The following NEXMIF variants were observed in gnomAD, a reference collection of about 807,000 sequenced individuals.
The protein encoded by NEXMIF is neurite extension and migration factor.
Under a neutral mutation model 62.1 loss-of-function variants are expected in NEXMIF, and 8 were observed. That is an observed-to-expected ratio of 0.13 (90% CI 0.08 to 0.23). NEXMIF has a LOEUF of 0.23. NEXMIF is among the 10% of genes least tolerant of loss of function. The probability of loss-of-function intolerance (pLI) is 1.00; values close to 1 mark genes in which losing one functional copy is unlikely to be tolerated. For synonymous variants in NEXMIF, 404 were observed against 416.6 expected (o/e 0.97, Z 0.37); for missense variants, 976 against 1,113.3 (o/e 0.88, Z 1.75).
intron 1 of NEXMIF, among the ~76,000 whole-genome samples, chrX:74,853,004 A>G (rs1450183040): frequency 9.0e-6 from 1 of 110,862 alleles, no homozygotes; most frequent in African/African-American, 3.3e-5. Flanking sequence ...CAACAAAATG[A>G]AAAGTTTTTT....
chrX:74,910,304 CATGA>C lies in NEXMIF; in HGVS notation c.-48+14575_-48+14578del, dbSNP rs768977368. Among the ~76,000 whole-genome samples the C allele has an allele frequency of 3.6e-5, 4 of 112,590 alleles. No individual in the cohort carries two copies. In the Admixed American group the frequency reaches 3.7e-4, roughly 11 times the overall value. On this transcript the variant is annotated intron_variant, in intron 1 of 3. Transcript: ENST00000055682. ...ACCTCTTGCATCAGCGTGACCTGGA[CATGA>C]GATATGGAGTCAAAGGAGATCATTT... is the stretch of plus-strand genomic sequence containing the variant.
intron 1 of NEXMIF, among the ~76,000 whole-genome samples, chrX:74,821,952 C>T (rs768327170): frequency 6.3e-5 from 7 of 111,555 alleles, no homozygotes; most frequent in South Asian, 3.8e-4. Context: ...GGTTTTGCCA[C>T]GTAGCTCAGG....
At chrX:74,807,963 TAGG>T (rs1175250383) in intron 1 of NEXMIF, among the ~76,000 whole-genome samples, 1 of 112,281 alleles carries the variant, frequency 8.9e-6, no homozygotes, top group African/African-American at 3.2e-5. Flanking sequence ...CTTAGATTGC[TAGG>T]AGCTTTTATT....
At chrX:74,889,992 TTC>T (rs2080712154) in intron 1 of NEXMIF, among the ~76,000 whole-genome samples, 1 of 98,530 alleles carries the variant, frequency 1.0e-5, no homozygotes, top group Admixed American at 1.1e-4. Context: ...TTCTCTCTCA[TTC>T]TCTTTCTCTC....
intron 1 of NEXMIF, among the ~76,000 whole-genome samples, chrX:74,835,316 A>G (rs1421691296): frequency 9.0e-6 from 1 of 111,634 alleles, no homozygotes; most frequent in Non-Finnish European, 1.9e-5. Flanking sequence ...TGCCTTATTT[A>G]GTTCGTTTGA....
At chrX:74,873,587 A>G (rs1408901546) in intron 1 of NEXMIF, among the ~76,000 whole-genome samples, 1 of 111,812 alleles carries the variant, frequency 8.9e-6, no homozygotes, top group East Asian at 2.8e-4. Flanking sequence ...CAATGGTTGA[A>G]CTAGTTTACA....
intron 1 of NEXMIF, among the ~76,000 whole-genome samples, chrX:74,791,265 G>A (rs147930995): frequency 2.7e-5 from 3 of 111,521 alleles, no homozygotes; most frequent in Admixed American, 9.5e-5. Context: ...CTCTGTTTAT[G>A]TGCTGGATTA....
chrX:74,911,630 A>G (rs902072613), intron 1 of NEXMIF, among the ~76,000 whole-genome samples: 1 of 112,300 alleles, frequency 8.9e-6, no homozygotes, highest in African/African-American at 3.2e-5. Flanking sequence ...TTTTCTCTTT[A>G]CAGCCTAACT....
At chrX:74,778,312 T>G (rs1364152408) in intron 1 of NEXMIF, among the ~76,000 whole-genome samples, 1 of 111,987 alleles carries the variant, frequency 8.9e-6, no homozygotes, top group Non-Finnish European at 1.9e-5. Flanking sequence ...CCTTGCCCCT[T>G]CTGTGGGGCT....
chrX:74,799,418 T>C (rs2080322267), intron 1 of NEXMIF, among the ~76,000 whole-genome samples: 1 of 110,946 alleles, frequency 9.0e-6, no homozygotes, highest in Non-Finnish European at 1.9e-5. Flanking sequence ...AATAAAGAAA[T>C]ACATGCATAC....
At chrX:74,780,292 T>C (rs1460077604) in intron 1 of NEXMIF, among the ~76,000 whole-genome samples, 1 of 111,283 alleles carries the variant, frequency 9.0e-6, no homozygotes, top group Non-Finnish European at 1.9e-5. Context: ...CCACATGATC[T>C]AGTTGGAGGC....
chrX:74,883,440 G>A (rs182824660), intron 1 of NEXMIF, among the ~76,000 whole-genome samples: 190 of 111,853 alleles, frequency 1.7e-3, no homozygotes, highest in African/African-American at 5.9e-3. Context: ...CCAATGGAGA[G>A]AAGACCTTAA....
chrX:74,777,096 C>T (rs1228501280), intron 1 of NEXMIF, among the ~76,000 whole-genome samples: 1 of 111,801 alleles, frequency 8.9e-6, no homozygotes, highest in Non-Finnish European at 1.9e-5. Context: ...CAATTACCTG[C>T]TGTGTGCTAG....
At chrX:74,852,677 C>G (rs937743335) in intron 1 of NEXMIF, among the ~76,000 whole-genome samples, 1 of 111,606 alleles carries the variant, frequency 9.0e-6, no homozygotes, top group Non-Finnish European at 1.9e-5. Context: ...GGAAATTAAA[C>G]AACATGCTCC....
intron 1 of NEXMIF, among the ~76,000 whole-genome samples, chrX:74,791,596 C>T (rs1172110564): frequency 9.0e-6 from 1 of 111,293 alleles, no homozygotes; most frequent in African/African-American, 3.3e-5. Context: ...GGCTGTGAAT[C>T]CATCTGGTCC....
At chrX:74,745,721 T>A in intron 1 of NEXMIF, 24 bp from the exon 2 acceptor site, 1 of 664,830 alleles carries the variant, frequency 1.5e-6, no homozygotes. Flanking sequence ...ATATATAATA[T>A]CAGTCATTAA....
chrX:74,864,120 A>G (rs1602255312), intron 1 of NEXMIF, among the ~76,000 whole-genome samples: 1 of 112,076 alleles, frequency 8.9e-6, no homozygotes, highest in East Asian at 2.8e-4. Context: ...CATCAATATA[A>G]TAAGAGCAAT....
At chrX:74,790,711 C>T (rs1184486576) in intron 1 of NEXMIF, among the ~76,000 whole-genome samples, 1 of 113,484 alleles carries the variant, frequency 8.8e-6, no homozygotes, top group Admixed American at 9.2e-5. Flanking sequence ...AAGTTGGATT[C>T]CTAGGTATTT....
chrX:74,875,662 C>T (rs754990215), intron 1 of NEXMIF, among the ~76,000 whole-genome samples: 1 of 111,979 alleles, frequency 8.9e-6, no homozygotes, highest in Non-Finnish European at 1.9e-5. Context: ...ATTATTGCTA[C>T]AATTTCCGAG....
Sources: allele counts gnomAD v4.1 joint callset (sites outside exome capture counted in the v4.1 genomes callset), GRCh38; gene constraint gnomAD v4.1.1; transcripts MANE v1.5; gene names NCBI Gene and HGNC (gene_info 2026-07-23, HGNC 2026-07-21).